The following PTPRN2 variants were observed in gnomAD, a reference collection of about 807,000 sequenced individuals.
The protein encoded by PTPRN2 is protein tyrosine phosphatase receptor type N2, also known as receptor-type tyrosine-protein phosphatase N2.
Under a neutral mutation model 118.8 loss-of-function variants are expected in PTPRN2, and 74 were observed. That is an observed-to-expected ratio of 0.62 (90% CI 0.52 to 0.76). The LOEUF (loss-of-function observed/expected upper bound fraction) is 0.76, where lower values mean the gene tolerates loss of function less well. PTPRN2 is among the 30% of genes least tolerant of loss of function. The probability of loss-of-function intolerance (pLI) is 0.00; values close to 1 mark genes in which losing one functional copy is unlikely to be tolerated. For synonymous variants in PTPRN2, 641 were observed against 608.0 expected (o/e 1.05, Z -0.80); for missense variants, 1,481 against 1,394.4 (o/e 1.06, Z -0.99).
At chr7:158,523,740 T>G (rs1586865943) in intron 1 of PTPRN2, among the ~76,000 whole-genome samples, 2 of 62,702 alleles carry the variant, frequency 3.2e-5, no homozygotes, top group African/African-American at 8.1e-5. Context: ...TGGAGTGGAG[T>G]CGTCTGCCCT....
Position 157,779,722 on chromosome 7 carries a change from G to A in PTPRN2, c.1789-96785C>T, listed in dbSNP as rs1420296060. Among the ~76,000 whole-genome samples the A allele has an allele frequency of 6.6e-6, 1 of 152,224 alleles. No homozygotes were observed. The highest frequency in any genetic ancestry group is 1.5e-5 in the Non-Finnish European group (1 of 68,040). ...AGGATGTCCTGATGAGGGGTCCTGAGGGTCTGGGGAAGGCGCTGTGGCCTG... is the reference window on the plus strand; with the variant it reads ...AGGATGTCCTGATGAGGGGTCCTGAAGGTCTGGGGAAGGCGCTGTGGCCTG... On this transcript the variant is annotated intron_variant, in intron 12 of 22. Coordinates refer to ENST00000389418, the MANE Select transcript of PTPRN2 (RefSeq NM_002847.5). The surrounding 1 kb of genome is among the most constrained non-coding windows in gnomAD (Gnocchi z 4.7).
chr7:158,342,298 G>A (rs71547512), intron 2 of PTPRN2, among the ~76,000 whole-genome samples: 21 of 127,692 alleles, frequency 1.6e-4, no homozygotes, highest in Non-Finnish European at 3.0e-4. Context: ...GCTGACACCC[G>A]CAGACGTCAC....
chr7:158,181,619 G>A (rs1824714864), intron 5 of PTPRN2, among the ~76,000 whole-genome samples: 1 of 152,108 alleles, frequency 6.6e-6, no homozygotes, highest in Non-Finnish European at 1.5e-5. Context: ...CTCACTGCTT[G>A]TTATTAGTCT....
intron 2 of PTPRN2, among the ~76,000 whole-genome samples, chr7:158,433,004 G>A (rs1223334608): frequency 6.6e-6 from 1 of 152,132 alleles, no homozygotes; most frequent in Non-Finnish European, 1.5e-5. Context: ...CAGGCTGAAC[G>A]TCAGCTTTGC....
chr7:158,273,511 G>GGC (rs1798673280), intron 3 of PTPRN2, among the ~76,000 whole-genome samples: 63 of 133,960 alleles, frequency 4.7e-4, no homozygotes, highest in East Asian at 9.2e-4. Context: ...GGGAGCCGCA[G>GGC]ACAGACATGG....
chr7:158,329,755 G>C (rs1211071917), intron 2 of PTPRN2, among the ~76,000 whole-genome samples: 1 of 152,180 alleles, frequency 6.6e-6, no homozygotes, highest in Non-Finnish European at 1.5e-5. Flanking sequence ...TAAGGAACTT[G>C]CTCAGAGTTG....
rs535400749 is a variant in PTPRN2, at chr7:157,749,649, G to C, written c.1789-66712C>G. On this transcript the variant is annotated intron_variant, in intron 12 of 22. Transcript: ENST00000389418. ...TGTGTCTCTGAGCTGTGGGGTGTCC[G>C]GGTGATTCTGAGGCCTGCGTCCCTG... Among the ~76,000 whole-genome samples the C allele has an allele frequency of 3.1e-5, 4 of 128,568 alleles. 1 individual carries two copies. The South Asian group carries it at 1.1e-3, about 34-fold the overall frequency. 84.3% of individuals were successfully genotyped at this position (128,568 alleles called of 152,430 possible).
At chr7:158,132,966 A>G (rs917250645) in intron 9 of PTPRN2, among the ~76,000 whole-genome samples, 4 of 152,160 alleles carry the variant, frequency 2.6e-5, no homozygotes, top group African/African-American at 7.2e-5. Context: ...AGAAAACACA[A>G]CACTTGTACA....
intron 3 of PTPRN2, among the ~76,000 whole-genome samples, chr7:158,300,235 T>C (rs1010278802): frequency 6.6e-5 from 10 of 152,142 alleles, no homozygotes; most frequent in Non-Finnish European, 1.0e-4. Flanking sequence ...ATGGGCCCAC[T>C]GTGGCATTTC....
intron 11 of PTPRN2, among the ~76,000 whole-genome samples, chr7:157,905,039 TC>T (rs1797695552): frequency 6.6e-6 from 1 of 152,182 alleles, no homozygotes; most frequent in Admixed American, 6.5e-5. Context: ...GATTCCCTTT[TC>T]CACACTGTTG....
At chr7:157,877,441 G>A (rs1795843551) in intron 12 of PTPRN2, among the ~76,000 whole-genome samples, 1 of 143,394 alleles carries the variant, frequency 7.0e-6, no homozygotes, top group Non-Finnish European at 1.5e-5. Flanking sequence ...CAAGTGCCAT[G>A]GTCAGGGTTT....
chr7:157,667,219 T>C (rs1167847180), intron 13 of PTPRN2, among the ~76,000 whole-genome samples: 16 of 103,354 alleles, frequency 1.5e-4, no homozygotes, highest in South Asian at 6.8e-4. Flanking sequence ...ACGCTCAGCC[T>C]GTGGGACACT....
intron 2 of PTPRN2, among the ~76,000 whole-genome samples, chr7:158,340,428 C>A (rs1563174125): frequency 3.5e-5 from 2 of 57,026 alleles, no homozygotes; most frequent in East Asian, 5.2e-4. Context: ...CACACACACA[C>A]TCTCACCGTA....
chr7:158,112,899 G>C (rs1051202447), intron 9 of PTPRN2, among the ~76,000 whole-genome samples: 2 of 152,116 alleles, frequency 1.3e-5, no homozygotes, highest in Non-Finnish European at 2.9e-5. Context: ...CATCATGAAT[G>C]CCGAGACCGG....
At chr7:157,682,982 T>C (rs1410254818) in intron 12 of PTPRN2, 45 bp from the exon 13 acceptor site, 5 of 1,487,712 alleles carry the variant, frequency 3.4e-6, no homozygotes, top group Non-Finnish European at 4.6e-6. Flanking sequence ...TGACAAAGCA[T>C]GACCTCCTAA....
chr7:158,253,135 G>T (rs538147259), intron 3 of PTPRN2, among the ~76,000 whole-genome samples: 1 of 152,308 alleles, frequency 6.6e-6, no homozygotes, highest in South Asian at 2.1e-4. Flanking sequence ...ATGCTGGGAG[G>T]ACTTAAATAA....
At chr7:158,548,784 G>C (rs564840695) in intron 1 of PTPRN2, among the ~76,000 whole-genome samples, 14 of 152,354 alleles carry the variant, frequency 9.2e-5, no homozygotes, top group African/African-American at 3.4e-4. Context: ...GCGGCCTCTA[G>C]AGGGGAGGCA....
intron 21 of PTPRN2, among the ~76,000 whole-genome samples, chr7:157,563,801 A>T (rs1799343310): frequency 1.3e-5 from 2 of 151,450 alleles, no homozygotes; most frequent in Admixed American, 1.3e-4. Context: ...CACACAGCAG[A>T]TCAGGACCAC....
At chr7:157,652,380 C>T (rs915979797) in intron 14 of PTPRN2, among the ~76,000 whole-genome samples, 3 of 152,238 alleles carry the variant, frequency 2.0e-5, no homozygotes, top group Admixed American at 1.3e-4. Flanking sequence ...CCATCAAGCC[C>T]GTCTCACAGG....
Sources: allele counts gnomAD v4.1 joint callset (sites outside exome capture counted in the v4.1 genomes callset), GRCh38; gene constraint gnomAD v4.1.1; non-coding constraint Gnocchi (gnomAD v3.1); transcripts MANE v1.5; gene names NCBI Gene and HGNC (gene_info 2026-07-23, HGNC 2026-07-21).